The following DPYSL2 variants were observed in gnomAD, a reference collection of about 807,000 sequenced individuals.
The protein encoded by DPYSL2 is dihydropyrimidinase like 2.
Under a neutral mutation model 69.9 loss-of-function variants are expected in DPYSL2, and 13 were observed. That is an observed-to-expected ratio of 0.19 (90% CI 0.12 to 0.30). The LOEUF is 0.30. DPYSL2 is among the 10% of genes least tolerant of loss of function. The pLI, the probability that DPYSL2 is intolerant of heterozygous loss-of-function variation, is 1.00. For synonymous variants in DPYSL2, 326 were observed against 359.1 expected (o/e 0.91, Z 1.04); for missense variants, 587 against 918.9 (o/e 0.64, Z 4.67).
intron 10 of DPYSL2, among the ~76,000 whole-genome samples, chr8:26,646,742 G>A (rs531278567): frequency 1.1e-4 from 17 of 152,192 alleles, no homozygotes; most frequent in Admixed American, 1.1e-3. Context: ...TGAAATCCCA[G>A]CACTTTGGGA....
chr8:26,608,720 A>T (rs960464503), intron 3 of DPYSL2, among the ~76,000 whole-genome samples: 6 of 152,234 alleles, frequency 3.9e-5, no homozygotes, highest in Non-Finnish European at 8.8e-5. Flanking sequence ...TTGAACCATT[A>T]GCCCTCAGCC....
At chr8:26,563,010 C>T (rs1438140752) in intron 1 of DPYSL2, among the ~76,000 whole-genome samples, 1 of 152,120 alleles carries the variant, frequency 6.6e-6, no homozygotes, top group African/African-American at 2.4e-5. Context: ...CTGGATTTCC[C>T]ACACCTGTGT....
At chr8:26,554,370 T>TA (rs370165220) in intron 1 of DPYSL2, among the ~76,000 whole-genome samples, 5 of 151,960 alleles carry the variant, frequency 3.3e-5, no homozygotes, top group African/African-American at 9.6e-5. Context: ...TTAATGGTTT[T>TA]TTTTTTTGTA....
chr8:26,583,291 G>A (rs1057313073), intron 2 of DPYSL2, among the ~76,000 whole-genome samples: 6 of 149,338 alleles, frequency 4.0e-5, no homozygotes, highest in African/African-American at 1.2e-4. Context: ...CTAAACACAC[G>A]CTTCCAAAAT....
rs1802460994 is a variant in DPYSL2 at position 26,620,680 on chromosome 8, T to C, written c.629-3463T>C. ...AATGATAAAGTATTTTTTAAAGTCA[T>C]CATGAATCAATAGAAGGAAAGGATT... On this transcript the variant is annotated intron_variant, in intron 3 of 13. Transcript: ENST00000521913. This position sits in a 1 kb window ranked among gnomAD's most constrained non-coding sequence, Gnocchi z 4.5. 6.6e-6 allele frequency among the ~76,000 whole-genome samples: 1 copy of C among 152,174 alleles called. No homozygotes were observed. The highest frequency in any genetic ancestry group is 6.5e-5 in the Admixed American group (1 of 15,276).
Position 26,517,064 on chromosome 8 carries a change from A to G in DPYSL2, c.354+2385A>G, listed in dbSNP as rs1186296619. Among the ~76,000 whole-genome samples, 1 of 152,100 alleles carries G rather than the reference A, an allele frequency of 6.6e-6. No individual in the cohort carries two copies. The highest frequency in any genetic ancestry group is 1.5e-5 in the Non-Finnish European group (1 of 68,028). On this transcript the variant is annotated intron_variant, in intron 1 of 13. Transcript: ENST00000521913. The surrounding 1 kb of genome is among the most constrained non-coding windows in gnomAD (Gnocchi z 4.2). Reference sequence around the variant, plus strand: ...TCTAATTGGAAGCCCTGACGCAGAGAAAGGTGGGGGAGATTGAGAATGGGT... The same window carrying G: ...TCTAATTGGAAGCCCTGACGCAGAGGAAGGTGGGGGAGATTGAGAATGGGT...
chr8:26,529,499 T>C (rs1800460767), intron 1 of DPYSL2, among the ~76,000 whole-genome samples: 1 of 152,008 alleles, frequency 6.6e-6, no homozygotes, highest in African/African-American at 2.4e-5. Context: ...TAATTTTTTG[T>C]AGAGACATGG....
chr8:26,625,922 C>A (rs866448546), intron 4 of DPYSL2, among the ~76,000 whole-genome samples: 1 of 152,166 alleles, frequency 6.6e-6, no homozygotes, highest in Non-Finnish European at 1.5e-5. Flanking sequence ...ACCATCACCA[C>A]CCTCCATCCA....
Position 26,627,129 on chromosome 8 carries a change from A to T in DPYSL2, c.856-86A>T. The T allele has an allele frequency of 2.3e-6, 3 of 1,303,458 alleles. No homozygotes were observed. The highest frequency in any genetic ancestry group is 3.3e-6 in the Non-Finnish European group (3 of 904,232). The allele number at this position is 1,303,458 out of a possible 1,614,324, so 80.7% of individuals were successfully genotyped here. A position where few individuals can be genotyped will look rare whatever the true frequency, so the allele number is the denominator to read the frequency against. ...CTAGGTGTCCTGTTTCTCATCCCAG[A>T]AATGCCTCTGGTGGGGAGATGATTG... On this transcript the variant is annotated intron_variant, in intron 5 of 13. Transcript: ENST00000521913. This position sits in a 1 kb window ranked among gnomAD's most constrained non-coding sequence, Gnocchi z 6.9.
At chr8:26,649,556 C>T (rs1803240599) in intron 11 of DPYSL2, among the ~76,000 whole-genome samples, 1 of 152,164 alleles carries the variant, frequency 6.6e-6, no homozygotes, top group Non-Finnish European at 1.5e-5. Flanking sequence ...GGTGCTTTTC[C>T]ATCCCCACCT....
intron 1 of DPYSL2, among the ~76,000 whole-genome samples, chr8:26,556,072 C>T (rs1401517044): frequency 9.3e-4 from 66 of 70,812 alleles, no homozygotes; most frequent in African/African-American, 3.8e-3. Context: ...TATGTATATA[C>T]TATATATAGT....
intron 1 of DPYSL2, among the ~76,000 whole-genome samples, chr8:26,550,474 C>CA (rs1203049708): frequency 1.3e-5 from 2 of 152,250 alleles, no homozygotes; most frequent in Admixed American, 6.5e-5. Context: ...ATGGTAAATA[C>CA]ACCAGTTTAG....
At chr8:26,543,995 T>C (rs1244582051) in intron 1 of DPYSL2, among the ~76,000 whole-genome samples, 1 of 152,216 alleles carries the variant, frequency 6.6e-6, no homozygotes, top group Non-Finnish European at 1.5e-5. Flanking sequence ...TTTTCCTTCC[T>C]ACTTCTGTCA....
chr8:26,532,335 T>A (rs1800521992), intron 1 of DPYSL2, among the ~76,000 whole-genome samples: 1 of 152,208 alleles, frequency 6.6e-6, no homozygotes, highest in Non-Finnish European at 1.5e-5. Context: ...CAGGGTCTAC[T>A]TCAGGAGAGG....
chr8:26,600,568 C>T (rs1268939443), intron 3 of DPYSL2, among the ~76,000 whole-genome samples: 2 of 152,084 alleles, frequency 1.3e-5, no homozygotes, highest in East Asian at 1.9e-4. Flanking sequence ...TTCACTGACC[C>T]CTAGTCACAT....
chr8:26,606,602 A>C (rs1440074951), intron 3 of DPYSL2, among the ~76,000 whole-genome samples: 1 of 152,218 alleles, frequency 6.6e-6, no homozygotes, highest in Non-Finnish European at 1.5e-5. Context: ...ATTCACAAAA[A>C]GGAAATAATT....
chr8:26,609,480 G>T lies in DPYSL2; in HGVS notation c.629-14663G>T, dbSNP rs192686657. 4.6e-5 allele frequency among the ~76,000 whole-genome samples: 7 copies of T among 152,320 alleles called. No homozygotes were observed. The highest frequency in any genetic ancestry group is 1.7e-4 in the African/African-American group (7 of 41,570). On this transcript the variant is annotated intron_variant, in intron 3 of 13. Coordinates refer to ENST00000521913, the MANE Select transcript of DPYSL2 (RefSeq NM_001197293.3). This position sits in a 1 kb window ranked among gnomAD's most constrained non-coding sequence, Gnocchi z 6.5. The stretch of plus-strand genomic sequence containing the variant: ...ACGAAGTCAAACCCAGTCTTTGCAC[G>T]TGGAAGCTTGTGGCGTGACTGTTAT...
At chr8:26,651,423 A>G (rs1363395506) in intron 11 of DPYSL2, among the ~76,000 whole-genome samples, 1 of 152,178 alleles carries the variant, frequency 6.6e-6, no homozygotes, top group Non-Finnish European at 1.5e-5. Flanking sequence ...TTATGGTTGG[A>G]GCAACCTATT....
chr8:26,653,314 C>T lies in DPYSL2; in HGVS notation c.1859C>T (p.Pro620Leu). The T allele has an allele frequency of 6.2e-7, 1 of 1,614,196 alleles. No homozygotes were observed. Among genetic ancestry groups the T allele is most frequent in the Non-Finnish European group, 8.5e-7 (1 of 1,180,036 alleles). The stretch of plus-strand genomic sequence containing the variant: ...TCTGTGACGCCCAAGACAGTCACTC[C>T]AGCCTCCTCGGCCAAGACGTCTCCT... ...EVSVTPKTVT[P>L]ASSAKTSPAK... The change falls in exon 13 of 14, where the codon CCA becomes CTA. Residue 620 changes from proline (P) to leucine (L), a missense_variant. Physicochemically the swap from Pro to Leu is moderately conservative, Grantham distance 98 (BLOSUM62 -3). Coordinates refer to ENST00000521913, the MANE Select transcript of DPYSL2 (RefSeq NM_001197293.3). This position sits in a 1 kb window ranked among gnomAD's most constrained non-coding sequence, Gnocchi z 5.7.
Sources: allele counts gnomAD v4.1 joint callset (sites outside exome capture counted in the v4.1 genomes callset), GRCh38; gene constraint gnomAD v4.1.1; non-coding constraint Gnocchi (gnomAD v3.1); transcripts MANE v1.5; gene names NCBI Gene and HGNC (gene_info 2026-07-23, HGNC 2026-07-21).